The following MACROD2 variants were observed in gnomAD, a reference collection of about 807,000 sequenced individuals.
MACROD2 encodes the protein ADP-ribose glycohydrolase MACROD2.
A neutral mutation model predicts 70.4 loss-of-function variants in MACROD2; 36 were observed. The ratio of observed to expected loss-of-function variants is 0.51; its 90% CI spans 0.39 to 0.68. MACROD2 has a LOEUF of 0.68. Among genes scored for constraint, MACROD2 ranks in the 30% least tolerant of loss-of-function variants. The probability of loss-of-function intolerance (pLI) is 0.00; values close to 1 mark genes in which losing one functional copy is unlikely to be tolerated. For missense variants in MACROD2, 496 were observed against 538.4 expected (o/e 0.92, Z 0.78); for synonymous variants, 172 against 178.8 (o/e 0.96, Z 0.30).
intron 5 of MACROD2, among the ~76,000 whole-genome samples, chr20:15,043,369 G>T (rs1264243953): frequency 2.0e-5 from 3 of 152,236 alleles, no homozygotes; most frequent in Non-Finnish European, 4.4e-5. Context: ...GCATTGCTGT[G>T]CCTTTGCATG....
chr20:15,059,099 CAATG>C (rs2075511049), intron 5 of MACROD2, among the ~76,000 whole-genome samples: 2 of 152,150 alleles, frequency 1.3e-5, no homozygotes, highest in Non-Finnish European at 2.9e-5. Flanking sequence ...ATTACACACA[CAATG>C]AAAAGAATCC....
At chr20:15,173,087 A>G (rs1601174789) in intron 5 of MACROD2, among the ~76,000 whole-genome samples, 1 of 151,996 alleles carries the variant, frequency 6.6e-6, no homozygotes, top group African/African-American at 2.4e-5. Flanking sequence ...TGTGTGTTAA[A>G]CTTTTTTTAT....
intron 5 of MACROD2, among the ~76,000 whole-genome samples, chr20:15,034,103 G>A (rs2075295752): frequency 6.6e-6 from 1 of 152,172 alleles, no homozygotes; most frequent in Non-Finnish European, 1.5e-5. Context: ...TGATGGGGCT[G>A]CTTTTCACCC....
chr20:14,322,201 T>TATA (rs1568553949), intron 3 of MACROD2, among the ~76,000 whole-genome samples: 16 of 124,702 alleles, frequency 1.3e-4, no homozygotes, highest in East Asian at 4.5e-4. Context: ...TATATATATA[T>TATA]TTTGTATTTT....
At chr20:14,109,863 T>C (rs2148684424) in intron 3 of MACROD2, among the ~76,000 whole-genome samples, 1 of 151,624 alleles carries the variant, frequency 6.6e-6, no homozygotes, top group Admixed American at 6.6e-5. Flanking sequence ...CTTCTGAAAG[T>C]CATTCTGTAA....
intron 4 of MACROD2, among the ~76,000 whole-genome samples, chr20:14,588,893 T>C (rs1272736373): frequency 6.6e-6 from 1 of 152,252 alleles, no homozygotes; most frequent in African/African-American, 2.4e-5. Flanking sequence ...AAGTAACTTA[T>C]AATGCTATTT....
intron 3 of MACROD2, among the ~76,000 whole-genome samples, chr20:14,225,093 C>A (rs2081719873): frequency 1.3e-5 from 2 of 152,112 alleles, no homozygotes; most frequent in African/African-American, 4.8e-5. Flanking sequence ...ATCTTTAGAT[C>A]CTATTTATTG....
intron 5 of MACROD2, among the ~76,000 whole-genome samples, chr20:15,013,507 A>C (rs879515424): frequency 1.9e-4 from 29 of 152,252 alleles, no homozygotes; most frequent in Non-Finnish European, 3.1e-4. Flanking sequence ...CCTCAACTGA[A>C]GAGAGCTACC....
intron 5 of MACROD2, among the ~76,000 whole-genome samples, chr20:15,127,841 G>A (rs1431321679): frequency 6.6e-6 from 1 of 152,104 alleles, no homozygotes; most frequent in Non-Finnish European, 1.5e-5. Flanking sequence ...ACATAGAGGT[G>A]TGAATTACAG....
chr20:14,278,310 A>G (rs1348007232), intron 3 of MACROD2, among the ~76,000 whole-genome samples: 1 of 152,138 alleles, frequency 6.6e-6, no homozygotes, highest in African/African-American at 2.4e-5. Flanking sequence ...CACACTGACA[A>G]CACAGTCTTT....
intron 8 of MACROD2, among the ~76,000 whole-genome samples, chr20:15,649,078 CT>C (rs1568951646): frequency 0.064 from 5,601 of 87,774 alleles, 368 homozygotes; most frequent in South Asian, 0.12. Flanking sequence ...CTCCCCTCCC[CT>C]TCCCTCCCCT....
chr20:15,702,429 AT>A (rs2050473354), intron 8 of MACROD2, among the ~76,000 whole-genome samples: 1 of 152,042 alleles, frequency 6.6e-6, no homozygotes, highest in African/African-American at 2.4e-5. Flanking sequence ...GATGATGAGT[AT>A]TTTTTCATGT....
chr20:15,931,354 T>C (rs1005554860), intron 10 of MACROD2, among the ~76,000 whole-genome samples: 2 of 152,194 alleles, frequency 1.3e-5, no homozygotes, highest in Admixed American at 1.3e-4. Context: ...TCTCATATTA[T>C]ATTCAGGCCA....
intron 8 of MACROD2, among the ~76,000 whole-genome samples, chr20:15,655,509 CTT>C (rs1214201059): frequency 6.6e-6 from 1 of 152,008 alleles, no homozygotes; most frequent in Non-Finnish European, 1.5e-5. Context: ...TTCGGAATAA[CTT>C]TTGAAAAGTT....
rs989737493 is a variant in MACROD2 at position 15,046,625 on chromosome 20, G to A, written c.419-183315G>A. On this transcript the variant is annotated intron_variant, in intron 5 of 17. Coordinates refer to ENST00000684519, the MANE Select transcript of MACROD2 (RefSeq NM_001351661.2). ...ACCCCACTTCTTACTCTGGCTGTCC[G>A]TTCCCAGTCAGTTTCAAATCTTGGA... Among the ~76,000 whole-genome samples the A allele has an allele frequency of 1.4e-4, 21 of 152,140 alleles. 1 individual carries two copies. The highest frequency in any genetic ancestry group is 2.2e-4 in the African/African-American group (9 of 41,422).
intron 15 of MACROD2, among the ~76,000 whole-genome samples, chr20:15,995,925 G>A (rs6080079): frequency 6.6e-6 from 1 of 151,694 alleles, no homozygotes; most frequent in Non-Finnish European, 1.5e-5. Flanking sequence ...TGGGCACTTA[G>A]GTTGTTTCTG....
chr20:15,737,914 G>GTGGATGAATGGCGGATGGA (rs1278648159), intron 8 of MACROD2, among the ~76,000 whole-genome samples: 1 of 152,010 alleles, frequency 6.6e-6, no homozygotes, highest in Admixed American at 6.6e-5. Flanking sequence ...GGATGGATGG[G>GTGGATGAATGGCGGATGGA]TGGATGAATG....
intron 3 of MACROD2, among the ~76,000 whole-genome samples, chr20:14,238,926 C>A (rs1416433323): frequency 6.7e-6 from 1 of 149,804 alleles, no homozygotes; most frequent in Non-Finnish European, 1.5e-5. Flanking sequence ...ACTTGAGAGG[C>A]TGAGGCAGGA....
intron 5 of MACROD2, among the ~76,000 whole-genome samples, chr20:15,216,555 G>A (rs1255236805): frequency 6.6e-6 from 1 of 152,102 alleles, no homozygotes; most frequent in African/African-American, 2.4e-5. Context: ...TAGAAATTGA[G>A]TATCTTACAT....
Sources: allele counts gnomAD v4.1 joint callset (sites outside exome capture counted in the v4.1 genomes callset), GRCh38; gene constraint gnomAD v4.1.1; transcripts MANE v1.5; gene names NCBI Gene and HGNC (gene_info 2026-07-23, HGNC 2026-07-21).